Variants in GATM observed in about 807,000 individuals in gnomAD.
GATM encodes the protein glycine amidinotransferase, also known as glycine amidinotransferase, mitochondrial.
In GATM, 23 loss-of-function variants were observed where a neutral mutation model predicts 54.2. The observed-to-expected ratio is 0.42, with a 90% CI of 0.31 to 0.60. The LOEUF is 0.60. Ranked by LOEUF, GATM falls within the 20% of genes least tolerant of loss-of-function variation. The pLI, the probability that GATM is intolerant of heterozygous loss-of-function variation, is 0.14. For synonymous variants in GATM, 168 were observed against 183.1 expected (o/e 0.92, Z 0.67); for missense variants, 401 against 544.9 (o/e 0.74, Z 2.63).
chr15:45,387,657 A>G (rs920285164), intron 3 of GATM, among the ~76,000 whole-genome samples: 3 of 152,236 alleles, frequency 2.0e-5, no homozygotes, highest in Non-Finnish European at 4.4e-5. Flanking sequence ...CACTTAATAA[A>G]TGTTTGTGGA....
chr15:45,392,112 T>C (rs1949130801), intron 3 of GATM, among the ~76,000 whole-genome samples: 1 of 152,250 alleles, frequency 6.6e-6, no homozygotes. Context: ...GAGTTATGAT[T>C]AAATGAATTA....
At chr15:45,384,590 C>T (rs1889784851) in intron 3 of GATM, among the ~76,000 whole-genome samples, 1 of 152,194 alleles carries the variant, frequency 6.6e-6, no homozygotes, top group African/African-American at 2.4e-5. Flanking sequence ...TCTGGAAATA[C>T]AATGTATGTT....
chr15:45,366,641 G>T, intron 4 of GATM, 133 bp from the exon 5 acceptor site: 1 of 970,250 alleles, frequency 1.0e-6, no homozygotes, highest in Non-Finnish European at 1.6e-6. Context: ...ACTAAAACAT[G>T]CCTGGGAAAG....
intron 2 of GATM, among the ~76,000 whole-genome samples, chr15:45,375,741 A>G (rs1273448936): frequency 6.6e-6 from 1 of 152,008 alleles, no homozygotes; most frequent in African/African-American, 2.4e-5. Context: ...AGGATCTTGA[A>G]TACCATGAAG....
intron 2 of GATM, chr15:45,373,296 G>C (rs995933438): frequency 2.6e-5 from 4 of 151,868 alleles, no homozygotes; most frequent in Admixed American, 2.6e-4. Flanking sequence ...AGGAGATCGA[G>C]ACCATCCTGG....
chr15:45,376,914 A>G, intron 1 of GATM, 95 bp from the exon 2 acceptor site: 1 of 1,155,842 alleles, frequency 8.7e-7, no homozygotes, highest in Non-Finnish European at 1.3e-6. Flanking sequence ...CCAGCATAAC[A>G]TTGCCACTTA....
intron 8 of GATM, among the ~76,000 whole-genome samples, chr15:45,363,132 C>T (rs765109568): frequency 6.6e-6 from 1 of 152,034 alleles, no homozygotes; most frequent in Non-Finnish European, 1.5e-5. Context: ...ATTAGCCAGG[C>T]ATGGTGGTGT....
At position 45,386,837 on chromosome 15, in the gene GATM, T is replaced by C. The variant is rs1310711157; in HGVS notation, c.-318-10018A>G. ...AAGCACTCATCTCCTCCACTTATGG[T>C]CATTTAAGTGACAAAACGTCCTCCA... is the stretch of plus-strand genomic sequence containing the variant. On this transcript the variant is annotated intron_variant, in intron 3 of 4. Coordinates refer to the GATM transcript ENST00000561148. Among the ~76,000 whole-genome samples, 5 of 152,186 alleles carry C rather than the reference T, an allele frequency of 3.3e-5. No homozygotes were observed. In the East Asian group the frequency reaches 9.6e-4, roughly 29 times the overall value.
chr15:45,369,669 A>G (rs1889507552), intron 2 of GATM, 148 bp from the exon 3 acceptor site: 1 of 715,096 alleles, frequency 1.4e-6, no homozygotes, highest in Admixed American at 2.1e-5. Context: ...AGCATTGAGC[A>G]CATAAGCCCT....
At chr15:45,378,344 T>C in intron 1 of GATM, 41 bp downstream of exon 1, 3 of 1,469,434 alleles carry the variant, frequency 2.0e-6, no homozygotes, top group Non-Finnish European at 2.7e-6. Flanking sequence ...CAGGATCGAG[T>C]GAGTCACGCG....
intron 4 of GATM, among the ~76,000 whole-genome samples, chr15:45,366,734 C>T (rs560270747): frequency 6.6e-6 from 1 of 152,316 alleles, no homozygotes; most frequent in Admixed American, 6.5e-5. Flanking sequence ...AACAGTCCTC[C>T]TTTACCCATG....
At chr15:45,363,793 C>G (rs1889403445) in intron 8 of GATM, 107 bp downstream of exon 8, 1 of 752,276 alleles carries the variant, frequency 1.3e-6, no homozygotes, top group African/African-American at 1.7e-5. Flanking sequence ...TAAAAGGAAT[C>G]AAAATTGAAT....
At chr15:45,364,571 T>C (rs1889417795) in intron 7 of GATM, 1 of 519,166 alleles carries the variant, frequency 1.9e-6, no homozygotes, top group Non-Finnish European at 3.5e-6. Context: ...CTTTACGTGA[T>C]GTTGTTTTAT....
At chr15:45,383,086 G>A (rs1889762251), upstream of GATM, among the ~76,000 whole-genome samples, 1 of 152,170 alleles carries the variant, frequency 6.6e-6, no homozygotes, top group African/African-American at 2.4e-5. Context: ...CCCTAGCACA[G>A]TGCCTGACAC....
intron 3 of GATM, chr15:45,396,218 G>A (rs1471073019): frequency 6.6e-6 from 1 of 152,128 alleles, no homozygotes; most frequent in Non-Finnish European, 1.5e-5. Context: ...CCTTGTTCCT[G>A]GAGCCTGGTC....
chr15:45,378,504 C>T lies in GATM; in HGVS notation c.-51G>A. The T allele has an allele frequency of 7.5e-7, 1 of 1,330,410 alleles. No homozygotes were observed. Among genetic ancestry groups the T allele is most frequent in the South Asian group, 1.8e-5 (1 of 55,864 alleles). 82.4% of individuals were successfully genotyped at this position (1,330,410 alleles called of 1,614,324 possible). ...CGGAATGTTCCTGGCCTCTGGGCCG[C>T]GTCGGTCCAAGCCTTCCCGAGAGCG... On this transcript the variant is annotated 5_prime_UTR_variant, in exon 1 of 9. Transcript: ENST00000396659.
chr15:45,361,654 G>C lies in GATM; in HGVS notation c.*455C>G. ...TCTTTCTCTCCTTTAGAAAAAAAGA[G>C]ATAATCTGATTCTATTTTGGATCTG... is the stretch of plus-strand genomic sequence containing the variant. On this transcript the variant is annotated 3_prime_UTR_variant, in exon 9 of 9. Coordinates refer to ENST00000396659, the MANE Select transcript of GATM (RefSeq NM_001482.3). The C allele has an allele frequency of 3.1e-6, 1 of 321,838 alleles. No individual in the cohort carries two copies. The highest frequency in any genetic ancestry group is 4.9e-5 in the East Asian group (1 of 20,270). 19.9% of individuals were successfully genotyped at this position (321,838 alleles called of 1,614,324 possible). A position where few individuals can be genotyped will look rare whatever the true frequency, so the allele number is the denominator to read the frequency against.
At chr15:45,382,056 C>T (rs1018266961), upstream of GATM, among the ~76,000 whole-genome samples, 23 of 152,240 alleles carry the variant, frequency 1.5e-4, no homozygotes, top group African/African-American at 5.3e-4. Flanking sequence ...TAAAAGACTG[C>T]ATTTGCAGGG....
intron 4 of GATM, among the ~76,000 whole-genome samples, chr15:45,367,236 G>A (rs1238031867): frequency 6.6e-6 from 1 of 152,024 alleles, no homozygotes; most frequent in East Asian, 1.9e-4. Flanking sequence ...AGCTACCCAG[G>A]AGGCTGAGGC....
Sources: gnomAD v4.1 joint callset for allele counts (sites outside exome capture counted in the v4.1 genomes callset) on GRCh38, gnomAD v4.1.1 for gene constraint, MANE v1.5 for transcripts, NCBI Gene and HGNC (gene_info 2026-07-23, HGNC 2026-07-21) for gene names.